Variants in NKX6-1 observed in about 807,000 individuals in gnomAD.
The protein encoded by NKX6-1 is homeobox protein Nkx-6.1.
In NKX6-1, 11 loss-of-function variants were observed where a neutral mutation model predicts 24.9. That is an observed-to-expected ratio of 0.44 (90% confidence interval 0.28 to 0.73). NKX6-1 has a LOEUF of 0.73. Ranked by LOEUF, NKX6-1 falls within the 30% of genes least tolerant of loss-of-function variation. The pLI is 0.15. For missense variants in NKX6-1, 487 were observed against 502.9 expected (o/e 0.97, Z 0.30); for synonymous variants, 277 against 242.9 (o/e 1.14, Z -1.31).
rs1264958034 is a variant in NKX6-1 at position 84,493,486 on chromosome 4, T to C, written c.907A>G (p.Lys303Glu). ...KKHAAEMATA[K>E]KKQDSETERL... ...TCTGTCTCCGAGTCCTGCTTCTTCT[T>C]GGCCGTGGCCATCTCGGCAGCGTGC... The change falls in exon 3 of 3, where the codon AAG (lysine) becomes GAG (glutamate). Residue 303 changes from lysine (K) to glutamate (E), a missense_variant. This residue lies in a region of NKX6-1 where 126 missense variants were observed against 105.5 expected (regional missense o/e 1.19). Coordinates refer to ENST00000295886, the MANE Select transcript of NKX6-1 (RefSeq NM_006168.3). The surrounding 1 kb of genome is among the most constrained non-coding windows in gnomAD (Gnocchi z 5.1). The C allele has an allele frequency of 6.2e-7, 1 of 1,614,266 alleles. No individual in the cohort carries two copies.
rs763208045 is a variant in NKX6-1 at position 84,497,812 on chromosome 4, G to A, written c.417C>T (p.Ala139=). The A allele has an allele frequency of 8.7e-6, 11 of 1,268,886 alleles. No homozygotes were observed. Among genetic ancestry groups the A allele is most frequent in the Non-Finnish European group, 1.1e-5 (11 of 1,011,142 alleles). The allele number at this position is 1,268,886 out of a possible 1,614,324, so 78.6% of individuals were successfully genotyped here. ...CTGCGGCCGCGGCAGCAGCCGCGGC[G>A]GCGGCAGAGGCGGAGGAGGCAGAGG... ...SSASASSASA[A]AAAAAAAAAA... Residue 139 remains alanine (A), a synonymous_variant, in exon 1 of 3, where the codon GCC becomes GCT. Coordinates refer to ENST00000295886, the MANE Select transcript of NKX6-1 (RefSeq NM_006168.3). The surrounding 1 kb of genome is among the most constrained non-coding windows in gnomAD (Gnocchi z 4.8).
At chr4:84,496,345 C>G (rs1560616628) in intron 1 of NKX6-1, 1 of 152,140 alleles carries the variant, frequency 6.6e-6, no homozygotes, top group Non-Finnish European at 1.5e-5. Flanking sequence ...AGTCTAACGT[C>G]GCTGCAGCCG....
chr4:84,497,991 G>C lies in NKX6-1; in HGVS notation c.238C>G (p.Leu80Val), dbSNP rs777672348. ...GGLKPPATGG[L>V]SSLGSPPQQL... ...TGCGGGGGGCTGCCGAGGGATGAGA[G>C]CCCCCCCGTGGCCGGGGGCTTCAGG... Residue 80 changes from leucine (L) to valine (V), a missense_variant, in exon 1 of 3, where the codon CTC (leucine) becomes GTC (valine). Leu to Val is a conservative substitution (Grantham distance 32). This residue lies in a region of NKX6-1 where 316 missense variants were observed against 311.4 expected (regional missense o/e 1.01). Coordinates refer to ENST00000295886, the MANE Select transcript of NKX6-1 (RefSeq NM_006168.3). This position sits in a 1 kb window ranked among gnomAD's most constrained non-coding sequence, Gnocchi z 4.8. 61 of 1,287,292 alleles carry C rather than the reference G, an allele frequency of 4.7e-5. No homozygotes were observed. The highest frequency in any genetic ancestry group is 1.3e-4 in the Admixed American group (4 of 30,764). 79.7% of individuals were successfully genotyped at this position (1,287,292 alleles called of 1,614,324 possible). A position where few individuals can be genotyped will look rare whatever the true frequency, so the allele number is the denominator to read the frequency against.
intron 2 of NKX6-1, 67 bp downstream of exon 2, chr4:84,495,605 G>GTGTGTT: frequency 6.2e-6 from 8 of 1,290,526 alleles, no homozygotes; most frequent in Non-Finnish European, 8.8e-6. Context: ...GTGTGTGTGT[G>GTGTGTT]CCCATGTGTG....
Position 84,493,232 on chromosome 4 carries a change from C to A in NKX6-1, c.*57G>T. 1 of 1,417,544 alleles carries A rather than the reference C, an allele frequency of 7.1e-7. No homozygotes were observed. The highest frequency in any genetic ancestry group is 1.6e-5 in the South Asian group (1 of 63,656). The allele number at this position is 1,417,544 out of a possible 1,614,324, so 87.8% of individuals were successfully genotyped here. On this transcript the variant is annotated 3_prime_UTR_variant, in exon 3 of 3. Coordinates refer to ENST00000295886, the MANE Select transcript of NKX6-1 (RefSeq NM_006168.3). This position sits in a 1 kb window ranked among gnomAD's most constrained non-coding sequence, Gnocchi z 5.1. ...CGCGGCGTGCACGCGGTCCCCGCGCCCCTCGCGGCCCCAGAGGTGGAGGCC... is the reference window on the plus strand; with the variant it reads ...CGCGGCGTGCACGCGGTCCCCGCGCACCTCGCGGCCCCAGAGGTGGAGGCC...
At chr4:84,494,272 G>T (rs534713377) in intron 2 of NKX6-1, among the ~76,000 whole-genome samples, 1 of 151,526 alleles carries the variant, frequency 6.6e-6, no homozygotes, top group South Asian at 2.1e-4. Flanking sequence ...AATTACCATT[G>T]GTTATTTTTA....
intron 1 of NKX6-1, chr4:84,496,597 C>A (rs17366515): frequency 0.077 from 11,655 of 152,340 alleles, 603 homozygotes; most frequent in Non-Finnish European, 0.12. Flanking sequence ...AGGCGAAGAA[C>A]TGAGCGAGAA....
Position 84,493,361 on chromosome 4 carries a change from C to T in NKX6-1, c.1032G>A (p.Lys344=). The change falls in exon 3 of 3, where the codon AAG becomes AAA. Residue 344 remains lysine (K), a synonymous_variant. Coordinates refer to ENST00000295886, the MANE Select transcript of NKX6-1 (RefSeq NM_006168.3). The surrounding 1 kb of genome is among the most constrained non-coding windows in gnomAD (Gnocchi z 5.1). ...CGCCGCCGCTGCTGGACTTGTGCTT[C>T]TTCAACAGCTGCGTGATTTTCTCGT... ...SDDEKITQLL[K]KHKSSSGGGG... 6.2e-7 allele frequency: 1 copy of T among 1,613,904 alleles called. No homozygotes were observed. Among genetic ancestry groups the T allele is most frequent in the Non-Finnish European group, 8.5e-7 (1 of 1,180,012 alleles).
In NKX6-1 at chr4:84,498,991, G is replaced by A. The variant is rs1047977782; in HGVS notation, c.-763C>T. Among the ~76,000 whole-genome samples, 2 of 152,224 alleles carry A rather than the reference G, an allele frequency of 1.3e-5. No individual in the cohort carries two copies. Among genetic ancestry groups the A allele is most frequent in the African/African-American group, 4.8e-5 (2 of 41,470 alleles). On this transcript the variant is annotated 5_prime_UTR_variant, in exon 1 of 3. Coordinates refer to ENST00000295886, the MANE Select transcript of NKX6-1 (RefSeq NM_006168.3). Reference sequence around the variant, plus strand: ...GCAATATTGAAAAGAAAAAGGGGGAGGAAAAACACAGAAAAACAAAAGACT... The same window carrying A: ...GCAATATTGAAAAGAAAAAGGGGGAAGAAAAACACAGAAAAACAAAAGACT...
In NKX6-1 at chr4:84,493,895, T is replaced by G. The variant is rs897425882; in HGVS notation, c.844-346A>C. Among the ~76,000 whole-genome samples the G allele has an allele frequency of 5.3e-5, 8 of 152,220 alleles. No individual in the cohort carries two copies. Among genetic ancestry groups the G allele is most frequent in the Non-Finnish European group, 1.0e-4 (7 of 68,040 alleles). On this transcript the variant is annotated intron_variant, in intron 2 of 2. Transcript: ENST00000295886. This position sits in a 1 kb window ranked among gnomAD's most constrained non-coding sequence, Gnocchi z 5.1. ...GAGTTCACTTTCCTGCCTTCCAGTT[T>G]GAAGTTGAAAACTTTCCCCCTTCAT... is the stretch of plus-strand genomic sequence containing the variant.
rs1033256463 is a variant in NKX6-1 at position 84,493,388 on chromosome 4, G to A, written c.1005C>T (p.Asp335=). Residue 335 remains aspartate (D), a synonymous_variant, in exon 3 of 3, where the codon GAC becomes GAT. Coordinates refer to ENST00000295886, the MANE Select transcript of NKX6-1 (RefSeq NM_006168.3). The surrounding 1 kb of genome is among the most constrained non-coding windows in gnomAD (Gnocchi z 5.1). ...DYNKPLDPNS[D]DEKITQLLKK... is the part of the protein sequence containing the mutation. ...TCAACAGCTGCGTGATTTTCTCGTC[G>A]TCCGAGTTGGGATCCAGAGGCTTAT... The A allele has an allele frequency of 3.1e-6, 5 of 1,614,146 alleles. No homozygotes were observed. Among genetic ancestry groups the A allele is most frequent in the Non-Finnish European group, 4.2e-6 (5 of 1,180,030 alleles).
At position 84,497,717 on chromosome 4, in the gene NKX6-1, G is replaced by A. The variant is rs1720848414; in HGVS notation, c.512C>T (p.Pro171Leu). 7.9e-7 allele frequency: 1 copy of A among 1,259,532 alleles called. No individual in the cohort carries two copies. Among genetic ancestry groups the A allele is most frequent in the South Asian group, 3.4e-5 (1 of 29,284 alleles). The allele number at this position is 1,259,532 out of a possible 1,614,324, so 78.0% of individuals were successfully genotyped here. Residue 171 changes from proline to leucine, a missense_variant, in exon 1 of 3, where the codon CCG (proline) becomes CTG (leucine). Physicochemically the swap from Pro to Leu is moderately conservative, Grantham distance 98 (BLOSUM62 -3). Around this residue, in one of 3 missense-constraint regions of NKX6-1, gnomAD observed 316 missense variants for 311.4 expected, o/e 1.01. Coordinates refer to ENST00000295886, the MANE Select transcript of NKX6-1 (RefSeq NM_006168.3). This position sits in a 1 kb window ranked among gnomAD's most constrained non-coding sequence, Gnocchi z 4.8. ...PRFSSLSPPP[P>L]PPGLYFSPSA... is the part of the protein sequence containing the mutation. ...GGGGCTGAAGTAGAGCCCGGGCGGC[G>A]GCGGCGGCGGGCTCAGGCTGCTAAA...
intron 2 of NKX6-1, 92 bp downstream of exon 2, chr4:84,495,580 T>G: frequency 9.0e-7 from 1 of 1,107,270 alleles, no homozygotes; most frequent in Non-Finnish European, 1.3e-6. Flanking sequence ...GTTTGTTAGT[T>G]TGGGGTGTGT....
rs768648933 is a variant in NKX6-1 at position 84,493,477 on chromosome 4, GCTT to G, written c.913_915del (p.Lys305del). ...TTGAGGCGCTCTGTCTCCGAGTCCT[GCTT>G]CTTCTTGGCCGTGGCCATCTCGGCA... On this transcript the variant is annotated inframe_deletion, in exon 3 of 3. Transcript: ENST00000295886. The surrounding 1 kb of genome is among the most constrained non-coding windows in gnomAD (Gnocchi z 5.1). 3.7e-6 allele frequency: 6 copies of G among 1,614,226 alleles called. No individual in the cohort carries two copies. The highest frequency in any genetic ancestry group is 1.3e-5 in the African/African-American group (1 of 75,076).
At position 84,497,896 on chromosome 4, in the gene NKX6-1, C is replaced by A; in HGVS notation, c.333G>T (p.Ser111=). 3 of 1,286,158 alleles carry A rather than the reference C, an allele frequency of 2.3e-6. No homozygotes were observed. The highest frequency in any genetic ancestry group is 3.0e-6 in the Non-Finnish European group (3 of 1,016,648). The allele number at this position is 1,286,158 out of a possible 1,614,324, so 79.7% of individuals were successfully genotyped here. ...GCGAGGCGGAGGGCAGGGCGGCCCC[C>A]GAGGCCACGGGCATGGAGGGCCGGC... ...ILSRPSMPVA[S]GAALPSASPS... Residue 111 remains serine (S), a synonymous_variant, in exon 1 of 3, where the codon TCG becomes TCT. Coordinates refer to ENST00000295886, the MANE Select transcript of NKX6-1 (RefSeq NM_006168.3). The surrounding 1 kb of genome is among the most constrained non-coding windows in gnomAD (Gnocchi z 4.8).
intron 1 of NKX6-1, chr4:84,496,799 T>C (rs1162798125): frequency 6.6e-6 from 1 of 152,446 alleles, no homozygotes; most frequent in African/African-American, 2.4e-5. Context: ...GCTCTTGTGT[T>C]AGGGTGTTGA....
rs573780607 is a variant in NKX6-1, at chr4:84,497,450, G to A, written c.670+109C>T. The A allele has an allele frequency of 4.0e-6, 5 of 1,238,536 alleles. No homozygotes were observed. The Admixed American group carries it at 1.7e-4, about 42-fold the overall frequency. 76.7% of individuals were successfully genotyped at this position (1,238,536 alleles called of 1,614,324 possible). A position where few individuals can be genotyped will look rare whatever the true frequency, so the allele number is the denominator to read the frequency against. On this transcript the variant is annotated intron_variant, in intron 1 of 2. Transcript: ENST00000295886. The surrounding 1 kb of genome is among the most constrained non-coding windows in gnomAD (Gnocchi z 4.8). The stretch of plus-strand genomic sequence containing the variant: ...TGATTCCGGCGCTGTCAAACTACTG[G>A]GGCGGGCCACAGGATGGACTGAGCG...
chr4:84,494,171 CT>C, intron 2 of NKX6-1, among the ~76,000 whole-genome samples: 1 of 73,030 alleles, frequency 1.4e-5, no homozygotes, highest in Admixed American at 1.6e-4. Flanking sequence ...GTATGGTGCA[CT>C]TCAAAAAAAA....
In NKX6-1 at chr4:84,492,179, T is replaced by C. The variant is rs1347690315; in HGVS notation, c.*1110A>G. Reference sequence around the variant, plus strand: ...CAATTTACATATTCTATAGTATTCTTATGATACAAAACACTTCAAATTCAA... The same window carrying C: ...CAATTTACATATTCTATAGTATTCTCATGATACAAAACACTTCAAATTCAA... On this transcript the variant is annotated 3_prime_UTR_variant, in exon 3 of 3. Transcript: ENST00000295886. 1 of 152,224 alleles carries C rather than the reference T, an allele frequency of 6.6e-6. No homozygotes were observed. The highest frequency in any genetic ancestry group is 1.5e-5 in the Non-Finnish European group (1 of 68,042). 9.4% of individuals were successfully genotyped at this position (152,224 alleles called of 1,614,324 possible). A position where few individuals can be genotyped will look rare whatever the true frequency, so the allele number is the denominator to read the frequency against.
Sources: allele counts gnomAD v4.1 joint callset (sites outside exome capture counted in the v4.1 genomes callset), GRCh38; gene constraint gnomAD v4.1.1; regional missense constraint gnomAD v4.1.1; non-coding constraint Gnocchi (gnomAD v3.1); transcripts MANE v1.5; gene names NCBI Gene and HGNC (gene_info 2026-07-23, HGNC 2026-07-21).